ARB2A: variants seen among roughly 807,000 people sequenced by gnomAD.
ARB2A encodes the protein ARB2 cotranscriptional regulator A.
the ARB2A span, among the ~76,000 whole-genome samples, chr5:93,962,029 TA>T: frequency 2.0e-5 from 3 of 152,230 alleles, no homozygotes; most frequent in African/African-American, 4.8e-5. Flanking sequence ...CCTATATTAA[TA>T]AAATAATTTC....
the ARB2A span, chr5:94,074,551 T>C: frequency 2.2e-6 from 2 of 921,426 alleles, no homozygotes; most frequent in Non-Finnish European, 3.3e-6. Context: ...TATATTCTTA[T>C]TTTAGATTTG....
At chr5:94,013,128 C>T in the ARB2A span, among the ~76,000 whole-genome samples, 1 of 148,924 alleles carries the variant, frequency 6.7e-6, no homozygotes, top group Admixed American at 6.7e-5. Context: ...CAACTGATTT[C>T]AACCAGTTTT....
the ARB2A span, among the ~76,000 whole-genome samples, chr5:93,635,673 C>T: frequency 2.0e-5 from 3 of 152,016 alleles, no homozygotes; most frequent in Non-Finnish European, 4.4e-5. Flanking sequence ...CTCCTGACCT[C>T]AGGTGATCTG....
At chr5:93,950,360 A>G in the ARB2A span, among the ~76,000 whole-genome samples, 1 of 152,122 alleles carries the variant, frequency 6.6e-6, no homozygotes, top group South Asian at 2.1e-4. Flanking sequence ...CCTTTTCTCC[A>G]CATCCTCACC....
chr5:93,890,065 T>A, the ARB2A span, among the ~76,000 whole-genome samples: 3 of 151,906 alleles, frequency 2.0e-5, no homozygotes, highest in Non-Finnish European at 4.4e-5. Flanking sequence ...ACAAGAGTGA[T>A]AAAATTATAT....
At chr5:93,836,816 C>T in the ARB2A span, among the ~76,000 whole-genome samples, 1 of 152,200 alleles carries the variant, frequency 6.6e-6, no homozygotes, top group East Asian at 1.9e-4. Flanking sequence ...ATATAAGTTA[C>T]CAGTATTAGA....
the ARB2A span, chr5:93,620,135 T>A: frequency 1.3e-5 from 2 of 152,176 alleles, no homozygotes; most frequent in African/African-American, 4.8e-5. Context: ...CATTATGTGT[T>A]TAAAAAGTAA....
chr5:94,091,770 T>C, the ARB2A span, among the ~76,000 whole-genome samples: 13 of 152,294 alleles, frequency 8.5e-5, no homozygotes, highest in South Asian at 2.3e-3. Flanking sequence ...GCTCACTTAG[T>C]TTGGGGGTCT....
At chr5:93,939,597 T>C in the ARB2A span, among the ~76,000 whole-genome samples, 1 of 152,056 alleles carries the variant, frequency 6.6e-6, no homozygotes, top group Non-Finnish European at 1.5e-5. Context: ...CTTAACAGTA[T>C]TTTCCCAAAT....
chr5:94,042,242 A>G, the ARB2A span, among the ~76,000 whole-genome samples: 3 of 152,046 alleles, frequency 2.0e-5, no homozygotes, highest in Non-Finnish European at 4.4e-5. Context: ...GTTTTTCTGT[A>G]AACTGAACAT....
chr5:94,108,000 G>A, the ARB2A span, among the ~76,000 whole-genome samples: 1 of 151,890 alleles, frequency 6.6e-6, no homozygotes, highest in Non-Finnish European at 1.5e-5. Flanking sequence ...GTCAGTTCTG[G>A]GGCTCATGAT....
At chr5:94,083,834 A>C in the ARB2A span, among the ~76,000 whole-genome samples, 1 of 152,168 alleles carries the variant, frequency 6.6e-6, no homozygotes, top group Non-Finnish European at 1.5e-5. Context: ...AAAAAAAAAA[A>C]AACAAGAATC....
At chr5:93,853,274 A>G in the ARB2A span, among the ~76,000 whole-genome samples, 26 of 152,294 alleles carry the variant, frequency 1.7e-4, no homozygotes, top group African/African-American at 5.8e-4. Context: ...TTATTGGTGT[A>G]TAAGAATGTT....
the ARB2A span, among the ~76,000 whole-genome samples, chr5:93,986,561 G>A: frequency 3.5e-4 from 54 of 152,356 alleles, no homozygotes; most frequent in African/African-American, 8.9e-4. Flanking sequence ...TGACGATGGC[G>A]GTTCTGTCTA....
At chr5:93,672,216 T>C in the ARB2A span, among the ~76,000 whole-genome samples, 2 of 152,194 alleles carry the variant, frequency 1.3e-5, no homozygotes, top group Admixed American at 1.3e-4. Context: ...ACTTTTAAAA[T>C]GATGGGGACT....
the ARB2A span, among the ~76,000 whole-genome samples, chr5:93,847,434 T>C: frequency 6.6e-6 from 1 of 152,058 alleles, no homozygotes; most frequent in East Asian, 1.9e-4. Flanking sequence ...AACTTTACCA[T>C]TCTATTTAAA....
At chr5:93,914,046 C>T in the ARB2A span, among the ~76,000 whole-genome samples, 18 of 151,830 alleles carry the variant, frequency 1.2e-4, no homozygotes, top group Non-Finnish European at 2.2e-4. Context: ...TATTACAATC[C>T]CGCAGATTTA....
At chr5:93,683,237 T>G in the ARB2A span, 7 of 1,442,980 alleles carry the variant, frequency 4.9e-6, no homozygotes, top group Non-Finnish European at 6.8e-6. Context: ...ATCATCTTCA[T>G]CAGCAGCAAG....
chr5:93,937,701 T>A, the ARB2A span, among the ~76,000 whole-genome samples: 1 of 151,992 alleles, frequency 6.6e-6, no homozygotes, highest in Non-Finnish European at 1.5e-5. Context: ...TATCCCTCAA[T>A]ATCCATGGGG....
Sources: gnomAD v4.1 joint callset for allele counts (sites outside exome capture counted in the v4.1 genomes callset) on GRCh38, gnomAD v4.1.1 for gene constraint, MANE v1.5 for transcripts, NCBI Gene and HGNC (gene_info 2026-07-23, HGNC 2026-07-21) for gene names.